The following PALMD variants were observed in gnomAD, a reference collection of about 807,000 sequenced individuals.
PALMD encodes the protein palmdelphin, also known as paralemmin-like protein.
In PALMD, 42 loss-of-function variants were observed where a neutral mutation model predicts 56.2. The observed-to-expected ratio is 0.75, with a 90% CI of 0.58 to 0.97. The LOEUF is 0.97. Ranked by LOEUF, PALMD falls within the 50% of genes least tolerant of loss-of-function variation. The pLI, the probability that PALMD is intolerant of heterozygous loss-of-function variation, is 0.00. For synonymous variants in PALMD, 242 were observed against 222.9 expected, an observed-to-expected ratio of 1.09 and a Z score of -0.76; for missense variants, 660 against 643.8, an observed-to-expected ratio of 1.03 and a Z score of -0.27.
intron 6 of PALMD, among the ~76,000 whole-genome samples, chr1:99,687,965 C>A (rs1420768020): frequency 2.6e-5 from 4 of 152,060 alleles, no homozygotes; most frequent in African/African-American, 9.7e-5. Flanking sequence ...GAGGACACAA[C>A]AAAAGCAAGC....
At position 99,647,668 on chromosome 1, in the gene PALMD, T is replaced by G. The variant is rs532361062; in HGVS notation, c.45+1306T>G. 1.1e-3 allele frequency among the ~76,000 whole-genome samples: 163 copies of G among 152,388 alleles called. 1 individual carries two copies. Among genetic ancestry groups the G allele is most frequent in the Non-Finnish European group, 1.3e-3 (89 of 68,042 alleles). On this transcript the variant is annotated intron_variant, in intron 1 of 7. Coordinates refer to ENST00000263174, the MANE Select transcript of PALMD (RefSeq NM_017734.5). ...AAGGGACAGGAACTCGGCTCTGCTC[T>G]GTTGTTTTTGGCATGGGCCTTTTAC...
At position 99,689,816 on chromosome 1, in the gene PALMD, A is replaced by G; in HGVS notation, c.1556A>G (p.His519Arg). 6.2e-7 allele frequency: 1 copy of G among 1,613,172 alleles called. No homozygotes were observed. Among genetic ancestry groups the G allele is most frequent in the Non-Finnish European group, 8.5e-7 (1 of 1,179,756 alleles). Residue 519 changes from histidine (H) to arginine (R), a missense_variant, in exon 7 of 8, where the codon CAT (histidine) becomes CGT (arginine). By Grantham distance (29) the His-to-Arg change is conservative. Coordinates refer to ENST00000263174, the MANE Select transcript of PALMD (RefSeq NM_017734.5). ...QEESLGSPVHHSPFDAQTTGD... is the reference protein window; with the variant it reads ...QEESLGSPVHRSPFDAQTTGD... ...GAAAGCTTAGGCAGCCCTGTCCACCATTCCCCATTTGATGCTCAGACAACT... is the reference window on the plus strand; with the variant it reads ...GAAAGCTTAGGCAGCCCTGTCCACCGTTCCCCATTTGATGCTCAGACAACT...
chr1:99,682,150 T>C (rs1653360319), intron 3 of PALMD, among the ~76,000 whole-genome samples: 2 of 152,292 alleles, frequency 1.3e-5, no homozygotes, highest in African/African-American at 2.4e-5. Context: ...TCTCTAACAT[T>C]CATCTGATAT....
At chr1:99,661,446 G>A (rs968210344) in intron 1 of PALMD, among the ~76,000 whole-genome samples, 4 of 152,032 alleles carry the variant, frequency 2.6e-5, no homozygotes, top group Admixed American at 6.6e-5. Context: ...GCACTGTGAC[G>A]AGTACTGTTC....
At chr1:99,667,808 G>T (rs759502597) in intron 3 of PALMD, 42 bp downstream of exon 3, 30 of 1,577,914 alleles carry the variant, frequency 1.9e-5, no homozygotes, top group African/African-American at 1.4e-5. Context: ...CCTTTATTTT[G>T]ACTTTATCCC....
rs568797832 is a variant in PALMD at position 99,662,188 on chromosome 1, T to C, written c.46-131T>C. 9 of 609,550 alleles carry C rather than the reference T, an allele frequency of 1.5e-5. No individual in the cohort carries two copies. The African/African-American group carries it at 1.5e-4, about 10-fold the overall frequency. The allele number at this position is 609,550 out of a possible 1,614,324, so 37.8% of individuals were successfully genotyped here. Reference sequence around the variant, plus strand: ...GCTCTCCTTTGCTTTGAAATAGGAGTTTCCAAAGCAGCTTCACACCAATGC... The same window carrying C: ...GCTCTCCTTTGCTTTGAAATAGGAGCTTCCAAAGCAGCTTCACACCAATGC... On this transcript the variant is annotated intron_variant, in intron 1 of 7. Transcript: ENST00000263174.
intron 1 of PALMD, among the ~76,000 whole-genome samples, chr1:99,651,849 G>A (rs1652593559): frequency 6.6e-6 from 1 of 152,184 alleles, no homozygotes; most frequent in Non-Finnish European, 1.5e-5. Flanking sequence ...GTTCTGAATG[G>A]AACTCAAAAC....
rs1233741574 is a variant in PALMD at position 99,646,359 on chromosome 1, C to T, written c.42C>T (p.Ile14=). The T allele has an allele frequency of 6.2e-7, 1 of 1,610,292 alleles. No individual in the cohort carries two copies. The highest frequency in any genetic ancestry group is 2.2e-5 in the East Asian group (1 of 44,860). ...AELVKGRLQA[I]TDKRKIQEEI... is the part of the protein sequence containing the mutation. ...TGGTGAAGGGAAGACTCCAGGCCAT[C>T]ACAGTAAGTCTGCATACAGTTATAA... The change falls in exon 1 of 8, where the codon ATC becomes ATT. Residue 14 remains isoleucine (I), a synonymous_variant. Transcript: ENST00000263174.
intron 3 of PALMD, chr1:99,684,097 T>G (rs754120156): frequency 6.6e-6 from 1 of 152,224 alleles, no homozygotes; most frequent in Admixed American, 6.5e-5. Context: ...AATGTGTTTA[T>G]GTGTATATAT....
intron 6 of PALMD, among the ~76,000 whole-genome samples, chr1:99,688,383 C>A (rs1470724889): frequency 3.9e-5 from 6 of 152,120 alleles, no homozygotes; most frequent in Non-Finnish European, 8.8e-5. Context: ...TTCTTCTTGA[C>A]TAAAGAAGAG....
At chr1:99,678,247 G>A (rs1283744411) in intron 3 of PALMD, among the ~76,000 whole-genome samples, 1 of 151,538 alleles carries the variant, frequency 6.6e-6, no homozygotes, top group Non-Finnish European at 1.5e-5. Context: ...GGATTATATA[G>A]GTGCGTGCCA....
intron 1 of PALMD, among the ~76,000 whole-genome samples, chr1:99,647,507 A>G (rs954783797): frequency 1.3e-5 from 2 of 152,234 alleles, no homozygotes; most frequent in African/African-American, 4.8e-5. Flanking sequence ...TTTCCATAAA[A>G]CAATGCTTTG....
chr1:99,672,976 G>A (rs548097563), intron 3 of PALMD, among the ~76,000 whole-genome samples: 1 of 152,228 alleles, frequency 6.6e-6, no homozygotes, highest in South Asian at 2.1e-4. Context: ...GGGCAAAGGT[G>A]TATGTGAAGC....
At chr1:99,673,086 A>G (rs1260582849) in intron 3 of PALMD, among the ~76,000 whole-genome samples, 1 of 152,142 alleles carries the variant, frequency 6.6e-6, no homozygotes, top group Non-Finnish European at 1.5e-5. Flanking sequence ...TTCCTCCACA[A>G]AAGGAGCTGA....
At chr1:99,653,856 T>C (rs1377315026) in intron 1 of PALMD, among the ~76,000 whole-genome samples, 1 of 152,176 alleles carries the variant, frequency 6.6e-6, no homozygotes, top group Non-Finnish European at 1.5e-5. Flanking sequence ...CCACTGAAGC[T>C]ATACAGTTTT....
intron 1 of PALMD, among the ~76,000 whole-genome samples, chr1:99,650,284 TGAAAAAAAAAAAAAAA>T (rs1367218304): frequency 2.2e-5 from 1 of 44,658 alleles, no homozygotes; most frequent in African/African-American, 1.2e-4. Flanking sequence ...CTGCTCATAA[TGAAAAAAAAAAAAAAA>T]AAAAAAAAAA....
At chr1:99,683,088 GAGAAAGAAAGAAAGAA>G (rs1217087610) in intron 3 of PALMD, among the ~76,000 whole-genome samples, 1,377 of 26,940 alleles carry the variant, frequency 0.051, 30 homozygotes, top group South Asian at 0.072. Flanking sequence ...GAGAGAGAGA[GAGAAAGAAAGAAAGAA>G]AGAAAGAAAG....
At chr1:99,679,540 C>T (rs1034794671) in intron 3 of PALMD, among the ~76,000 whole-genome samples, 1 of 152,150 alleles carries the variant, frequency 6.6e-6, no homozygotes, top group Non-Finnish European at 1.5e-5. Flanking sequence ...AGAAAAATAA[C>T]CCTAACGAAG....
intron 1 of PALMD, among the ~76,000 whole-genome samples, chr1:99,658,927 CAG>C (rs2100857299): frequency 6.7e-6 from 1 of 150,278 alleles, no homozygotes; most frequent in South Asian, 2.1e-4. Context: ...GCCTCGGTGA[CAG>C]AGTGAGACGC....
Sources: gnomAD v4.1 joint callset for allele counts (sites outside exome capture counted in the v4.1 genomes callset) on GRCh38, gnomAD v4.1.1 for gene constraint, MANE v1.5 for transcripts, NCBI Gene and HGNC (gene_info 2026-07-23, HGNC 2026-07-21) for gene names.